TAGAP: variants seen among roughly 807,000 people sequenced by gnomAD.
TAGAP encodes the protein T cell activation RhoGTPase activating protein, also known as T-cell activation Rho GTPase-activating protein.
In TAGAP, 16 loss-of-function variants were observed where a neutral mutation model predicts 36.0. That is an observed-to-expected ratio of 0.44 (90% CI 0.30 to 0.68). TAGAP has a LOEUF of 0.68. TAGAP is among the 30% of genes least tolerant of loss of function. The pLI is 0.09. For missense variants in TAGAP, 794 were observed against 921.5 expected (o/e 0.86, Z 1.79); for synonymous variants, 372 against 377.4 (o/e 0.99, Z 0.17).
chr6:159,043,548 T>G lies in TAGAP; in HGVS notation c.148+41A>C, dbSNP rs777789160. On this transcript the variant is annotated intron_variant, in intron 4 of 9. Coordinates refer to ENST00000367066, the MANE Select transcript of TAGAP (RefSeq NM_054114.5). ...TTTTGCAAACCAAGAGCACTGGTTG[T>G]TAGCACTTACATAAAAGATCGGTAT... 3.1e-6 allele frequency: 5 copies of G among 1,597,084 alleles called. No homozygotes were observed. The South Asian group carries it at 5.5e-5, about 18-fold the overall frequency.
intron 3 of TAGAP, 54 bp downstream of exon 3, chr6:159,043,924 A>C: frequency 6.7e-7 from 1 of 1,503,334 alleles, no homozygotes; most frequent in Non-Finnish European, 9.1e-7. Context: ...ATTAAAACAA[A>C]GTTTTCCACC....
In TAGAP at chr6:159,041,742, A is replaced by C. The variant is rs1779759611; in HGVS notation, c.316-227T>G. On this transcript the variant is annotated intron_variant, in intron 5 of 9. Coordinates refer to ENST00000367066, the MANE Select transcript of TAGAP (RefSeq NM_054114.5). This position sits in a 1 kb window ranked among gnomAD's most constrained non-coding sequence, Gnocchi z 4.1. ...TCTCCTTTCAAATACTTCCATATGA[A>C]CATTGGATTTCAGATCACAAAGTCT... is the stretch of plus-strand genomic sequence containing the variant. 1.8e-6 allele frequency: 1 copy of C among 560,286 alleles called. No homozygotes were observed. Among genetic ancestry groups the C allele is most frequent in the African/African-American group, 1.9e-5 (1 of 52,932 alleles). The allele number at this position is 560,286 out of a possible 1,614,324, so 34.7% of individuals were successfully genotyped here. A position where few individuals can be genotyped will look rare whatever the true frequency, so the allele number is the denominator to read the frequency against.
intron 8 of TAGAP, among the ~76,000 whole-genome samples, chr6:159,038,479 C>T (rs1425880159): frequency 1.3e-5 from 2 of 151,938 alleles, no homozygotes; most frequent in East Asian, 3.9e-4. Flanking sequence ...ACCTCTGCCT[C>T]CCGGGCTCAA....
chr6:159,036,339 G>A lies in TAGAP; in HGVS notation c.1684C>T (p.His562Tyr). 3 of 1,613,856 alleles carry A rather than the reference G, an allele frequency of 1.9e-6. No individual in the cohort carries two copies. The highest frequency in any genetic ancestry group is 2.5e-6 in the Non-Finnish European group (3 of 1,179,972). ...CAGAAGCCGCGGGCTGTTTGGTTGTGGGTTTCACACCCATTTTCCTGCACG... is the reference window on the plus strand; with the variant it reads ...CAGAAGCCGCGGGCTGTTTGGTTGTAGGTTTCACACCCATTTTCCTGCACG... ...RIVQENGCET[H>Y]NQTARGFCLR... is the part of the protein sequence containing the mutation. The change falls in exon 10 of 10, where the codon CAC (histidine) becomes TAC (tyrosine). Residue 562 changes from histidine (H) to tyrosine (Y), a missense_variant. By Grantham distance (83) the His-to-Tyr change is moderately conservative (BLOSUM62 2). Transcript: ENST00000367066. This position sits in a 1 kb window ranked among gnomAD's most constrained non-coding sequence, Gnocchi z 4.9.
At chr6:159,043,933 C>A in intron 3 of TAGAP, 45 bp downstream of exon 3, 1 of 1,549,838 alleles carries the variant, frequency 6.5e-7, no homozygotes, top group East Asian at 2.2e-5. Flanking sequence ...AAGTTTTCCA[C>A]CTTCTCACAG....
rs574958409 is a variant in TAGAP at position 159,036,632 on chromosome 6, G to A, written c.1391C>T (p.Ser464Leu). The A allele has an allele frequency of 7.4e-6, 12 of 1,614,134 alleles. 1 individual carries two copies. The highest frequency in any genetic ancestry group is 1.6e-4 in the Middle Eastern group (1 of 6,062). ...CGAGCTGTCAGAGGACGCGTCCAGC[G>A]AGCTGCTGGAGAAGGCTTTGAGAAC... Reference protein sequence around the residue: ...ALVLKAFSSSSLDASSDSSPV... With the variant: ...ALVLKAFSSSLLDASSDSSPV... The change falls in exon 10 of 10, where the codon TCG becomes TTG. Residue 464 changes from serine to leucine, a missense_variant. Coordinates refer to ENST00000367066, the MANE Select transcript of TAGAP (RefSeq NM_054114.5). The surrounding 1 kb of genome is among the most constrained non-coding windows in gnomAD (Gnocchi z 4.9).
At position 159,036,216 on chromosome 6, in the gene TAGAP, G is replaced by T. The variant is rs767135924; in HGVS notation, c.1807C>A (p.Pro603Thr). The change falls in exon 10 of 10, where the codon CCG (proline) becomes ACG (threonine). Residue 603 changes from proline to threonine, a missense_variant. Pro to Thr is a conservative substitution (Grantham distance 38, BLOSUM62 -1). Transcript: ENST00000367066. The surrounding 1 kb of genome is among the most constrained non-coding windows in gnomAD (Gnocchi z 4.9). ...TCGGAGGCCACTAGTCTGGCTGCCGGGCCCTGCATGGCCTCTTCATAAGAG... is the reference window on the plus strand; with the variant it reads ...TCGGAGGCCACTAGTCTGGCTGCCGTGCCCTGCATGGCCTCTTCATAAGAG... The part of the protein sequence containing the change: ...PPSYEEAMQG[P>T]AARLVASESQ... The T allele has an allele frequency of 6.2e-7, 1 of 1,610,114 alleles. No individual in the cohort carries two copies. Among genetic ancestry groups the T allele is most frequent in the African/African-American group, 1.3e-5 (1 of 74,900 alleles).
intron 6 of TAGAP, 41 bp from the exon 7 acceptor site, chr6:159,040,873 T>C: frequency 1.4e-6 from 2 of 1,469,788 alleles, no homozygotes; most frequent in Non-Finnish European, 1.9e-6. Flanking sequence ...TGGTACTGTA[T>C]GATGTCCCAT....
chr6:159,036,332 TG>T lies in TAGAP; in HGVS notation c.1690del (p.Gln564LysfsTer8). ...TCTCAGGCAGAAGCCGCGGGCTGTT[TG>T]GTTGTGGGTTTCACACCCATTTTCC... ...VQENGCETHN[Q>X]TARGFCLRPH... On this transcript the variant is annotated frameshift_variant, in exon 10 of 10. Coordinates refer to ENST00000367066, the MANE Select transcript of TAGAP (RefSeq NM_054114.5). LOFTEE classifies it low-confidence loss of function (END_TRUNC). This position sits in a 1 kb window ranked among gnomAD's most constrained non-coding sequence, Gnocchi z 4.9. 6.2e-7 allele frequency: 1 copy of T among 1,613,770 alleles called. No individual in the cohort carries two copies. The highest frequency in any genetic ancestry group is 8.5e-7 in the Non-Finnish European group (1 of 1,179,982).
Position 159,042,096 on chromosome 6 carries a change from T to A in TAGAP, c.297A>T (p.Thr99=). 6.2e-7 allele frequency: 1 copy of A among 1,613,940 alleles called. No individual in the cohort carries two copies. Among genetic ancestry groups the A allele is most frequent in the Non-Finnish European group, 8.5e-7 (1 of 1,179,964 alleles). ...PLSIICGDSD[T]LPRPIQDILT... Reference sequence around the variant, plus strand: ...CGCCTACCTGGATGGGTCTGGGGAGTGTGTCACTGTCACCGCAGATAATTG... The same window carrying A: ...CGCCTACCTGGATGGGTCTGGGGAGAGTGTCACTGTCACCGCAGATAATTG... The change falls in exon 5 of 10, where the codon ACA becomes ACT. Residue 99 remains threonine, a synonymous_variant. Transcript: ENST00000367066.
At position 159,039,242 on chromosome 6, in the gene TAGAP, T is replaced by C; in HGVS notation, c.655A>G (p.Ile219Val). The C allele has an allele frequency of 6.2e-7, 1 of 1,614,152 alleles. No individual in the cohort carries two copies. The highest frequency in any genetic ancestry group is 8.5e-7 in the Non-Finnish European group (1 of 1,180,016). Residue 219 changes from isoleucine to valine, a missense_variant, in exon 8 of 10, where the codon ATC becomes GTC. Ile to Val is a conservative substitution (Grantham distance 29, BLOSUM62 3). Transcript: ENST00000367066. ...CTGTTCACCTCAGAGTTCTTGCTGA[T>C]GAGGTGCAGCACATAGACCAAGTGC... The part of the protein sequence containing the change: ...LKHLVYVLHL[I>V]SKNSEVNRMD...
chr6:159,042,151 A>G lies in TAGAP; in HGVS notation c.242T>C (p.Leu81Ser), dbSNP rs180730813. Residue 81 changes from leucine to serine, a missense_variant, in exon 5 of 10, where the codon TTG becomes TCG. Physicochemically the swap from Leu to Ser is moderately radical, Grantham distance 145. Coordinates refer to ENST00000367066, the MANE Select transcript of TAGAP (RefSeq NM_054114.5). ...SDFSGALETD[L>S]KASLFDQPLS... The stretch of plus-strand genomic sequence containing the variant: ...GGGCTGATCAAATAGCGATGCTTTC[A>G]AGTCTGTCTCCAAAGCCCCAGAAAA... 11 of 1,614,198 alleles carry G rather than the reference A, an allele frequency of 6.8e-6. No individual in the cohort carries two copies. The African/African-American group carries it at 1.5e-4, about 22-fold the overall frequency.
At position 159,037,155 on chromosome 6, in the gene TAGAP, TG is replaced by T. The variant is rs557407956; in HGVS notation, c.899-32del. The T allele has an allele frequency of 1.5e-4, 226 of 1,530,118 alleles. 2 individuals are homozygous for T. The South Asian group carries it at 2.6e-3, about 17-fold the overall frequency. The allele number at this position is 1,530,118 out of a possible 1,614,324, so 94.8% of individuals were successfully genotyped here. A position where few individuals can be genotyped will look rare whatever the true frequency, so the allele number is the denominator to read the frequency against. On this transcript the variant is annotated intron_variant, in intron 9 of 9. Transcript: ENST00000367066. This position sits in a 1 kb window ranked among gnomAD's most constrained non-coding sequence, Gnocchi z 5.1. Reference sequence around the variant, plus strand: ...GGAAGTCAAGCAGCAGTTGAACATTTGTTTGGGTTTATTTATTTATTTATTT... The same window carrying T: ...GGAAGTCAAGCAGCAGTTGAACATTTTTTGGGTTTATTTATTTATTTATTT...
chr6:159,040,646 C>A (rs887048473), intron 7 of TAGAP, 77 bp downstream of exon 7: 5 of 1,174,456 alleles, frequency 4.3e-6, no homozygotes, highest in South Asian at 1.3e-5. Context: ...GATCATGAAG[C>A]ATTTAGAAAG....
At position 159,035,775 on chromosome 6, in the gene TAGAP, A is replaced by G; in HGVS notation, c.*52T>C. On this transcript the variant is annotated 3_prime_UTR_variant, in exon 10 of 10. Transcript: ENST00000367066. ...AACAATCTACAGGCAGTTCTTTACA[A>G]GTCTCATATTTACAGATAGCACAAG... The G allele has an allele frequency of 6.6e-7, 1 of 1,514,830 alleles. No homozygotes were observed. Among genetic ancestry groups the G allele is most frequent in the Non-Finnish European group, 8.9e-7 (1 of 1,124,206 alleles). The allele number at this position is 1,514,830 out of a possible 1,614,324, so 93.8% of individuals were successfully genotyped here.
Position 159,035,678 on chromosome 6 carries a change from C to A in TAGAP, c.*149G>T. 2.9e-6 allele frequency: 2 copies of A among 694,444 alleles called. No individual in the cohort carries two copies. Among genetic ancestry groups the A allele is most frequent in the Non-Finnish European group, 4.7e-6 (2 of 428,252 alleles). 43.0% of individuals were successfully genotyped at this position (694,444 alleles called of 1,614,324 possible). On this transcript the variant is annotated 3_prime_UTR_variant, in exon 10 of 10. Coordinates refer to ENST00000367066, the MANE Select transcript of TAGAP (RefSeq NM_054114.5). ...CAGAGACTATCTGATGCGCCATGGC[C>A]ATGGTGTAGCTATCCTCACTGAGGA... is the stretch of plus-strand genomic sequence containing the variant.
chr6:159,043,537 A>G, intron 4 of TAGAP, 52 bp downstream of exon 4: 1 of 1,566,370 alleles, frequency 6.4e-7, no homozygotes, highest in South Asian at 1.1e-5. Context: ...GCAAACCAAG[A>G]GCACTGGTTG....
In TAGAP at chr6:159,041,565, T is replaced by C. The variant is rs377024681; in HGVS notation, c.316-50A>G. ...GGAAAGGGTTACCCTTCTTCTTTAG[T>C]ATACTGAGATAGTCTTAACAGGAAT... is the stretch of plus-strand genomic sequence containing the variant. On this transcript the variant is annotated intron_variant, in intron 5 of 9. Transcript: ENST00000367066. This position sits in a 1 kb window ranked among gnomAD's most constrained non-coding sequence, Gnocchi z 4.1. The C allele has an allele frequency of 7.7e-5, 120 of 1,563,240 alleles. No individual in the cohort carries two copies. In the East Asian group the frequency reaches 8.0e-4, roughly 10 times the overall value.
chr6:159,037,802 C>T lies in TAGAP; in HGVS notation c.898+312G>A, dbSNP rs552482129. Among the ~76,000 whole-genome samples the T allele has an allele frequency of 6.6e-6, 1 of 152,252 alleles. No homozygotes were observed. Among genetic ancestry groups the T allele is most frequent in the South Asian group, 2.1e-4 (1 of 4,830 alleles). On this transcript the variant is annotated intron_variant, in intron 9 of 9. Transcript: ENST00000367066. This position sits in a 1 kb window ranked among gnomAD's most constrained non-coding sequence, Gnocchi z 5.1. ...GGACCCATTTTCATTGTGATGGAGT[C>T]ATATCCCATGAAGTGGAAACAAAAG... is the stretch of plus-strand genomic sequence containing the variant.
Sources: gnomAD v4.1 joint callset for allele counts (sites outside exome capture counted in the v4.1 genomes callset) on GRCh38, gnomAD v4.1.1 for gene constraint, Gnocchi (gnomAD v3.1) non-coding constraint, MANE v1.5 for transcripts, NCBI Gene and HGNC (gene_info 2026-07-23, HGNC 2026-07-21) for gene names.